Variants in LRP12 observed in about 807,000 individuals in gnomAD.
LRP12 encodes low-density lipoprotein receptor-related protein 12.
A neutral mutation model predicts 66.0 loss-of-function variants in LRP12; 14 were observed. The ratio of observed to expected loss-of-function variants is 0.21; its 90% CI spans 0.14 to 0.33. LRP12 has a LOEUF of 0.33. Ranked by LOEUF, LRP12 falls within the 10% of genes least tolerant of loss-of-function variation. LRP12 has a pLI of 1.00. For missense variants in LRP12, 889 were observed against 1,053.4 expected, an observed-to-expected ratio of 0.84 and a Z score of 2.16; for synonymous variants, 357 against 359.1, an observed-to-expected ratio of 0.99 and a Z score of 0.07.
intron 1 of LRP12, among the ~76,000 whole-genome samples, chr8:104,575,585 C>T (rs908696852): frequency 2.6e-5 from 4 of 151,868 alleles, no homozygotes; most frequent in Middle Eastern, 3.2e-3. Flanking sequence ...CACAAACACT[C>T]GAAGTTATCA....
intron 1 of LRP12, among the ~76,000 whole-genome samples, chr8:104,534,078 A>C (rs1483960341): frequency 2.6e-5 from 4 of 151,694 alleles, no homozygotes; most frequent in Non-Finnish European, 5.9e-5. Context: ...CAAAAAAAAA[A>C]AAAAAATCTA....
In LRP12 at chr8:104,491,333, T is replaced by C; in HGVS notation, c.1920A>G (p.Arg640=). ...AAAACAAACTTCTGTGAGTATGATT[T>C]CTCTCAGGTTCTCTACTGGTACTCT... ...PSQSTSREPE[R]NHTHRSLFSV... The change falls in exon 7 of 7, where the codon AGA becomes AGG. Residue 640 remains arginine, a synonymous_variant. Transcript: ENST00000276654. The C allele has an allele frequency of 1.2e-6, 2 of 1,614,136 alleles. No homozygotes were observed. The highest frequency in any genetic ancestry group is 1.7e-6 in the Non-Finnish European group (2 of 1,180,008).
At position 104,522,680 on chromosome 8, in the gene LRP12, T is replaced by G. The variant is rs969287638; in HGVS notation, c.136+9227A>C. 1.3e-4 allele frequency among the ~76,000 whole-genome samples: 20 copies of G among 152,256 alleles called. No individual in the cohort carries two copies. In the South Asian group the frequency reaches 1.7e-3, roughly 13 times the overall value. ...AATCTTCCTATGTAAAAAAAGCTTC[T>G]GCCTGAGAAAGCAGCAAGCCTTAAC... is the stretch of plus-strand genomic sequence containing the variant. On this transcript the variant is annotated intron_variant, in intron 2 of 6. Coordinates refer to ENST00000276654, the MANE Select transcript of LRP12 (RefSeq NM_013437.5).
At chr8:104,571,794 C>A (rs1310260893) in intron 1 of LRP12, among the ~76,000 whole-genome samples, 2 of 152,184 alleles carry the variant, frequency 1.3e-5, no homozygotes, top group Non-Finnish European at 2.9e-5. Context: ...GTTGGGAGCT[C>A]CTTATGAGAA....
In LRP12 at chr8:104,499,379, C is replaced by G; in HGVS notation, c.413G>C (p.Trp138Ser). 2 of 1,613,758 alleles carry G rather than the reference C, an allele frequency of 1.2e-6. No individual in the cohort carries two copies. Among genetic ancestry groups the G allele is most frequent in the African/African-American group, 2.7e-5 (2 of 74,992 alleles). The change falls in exon 4 of 7, where the codon TGG becomes TCG. Residue 138 changes from tryptophan to serine, a missense_variant. This residue lies in a region of LRP12 where 800 missense variants were observed against 964.5 expected (regional missense o/e 0.83). Transcript: ENST00000276654. ...PPYISSQDHIWIRFHSDDNIS... is the reference protein window; with the variant it reads ...PPYISSQDHISIRFHSDDNIS... ...GTTGTCATCCGAATGAAACCTAATC[C>G]AGATGTGGTCTTGTGAAGAGATATA...
intron 6 of LRP12, among the ~76,000 whole-genome samples, chr8:104,493,867 C>T (rs766814234): frequency 6.6e-6 from 1 of 152,150 alleles, no homozygotes; most frequent in Non-Finnish European, 1.5e-5. Flanking sequence ...TGTTTGGTAC[C>T]CTTCTGAACT....
At position 104,589,240 on chromosome 8, in the gene LRP12, C is replaced by T. The variant is rs905986847; in HGVS notation, c.-343G>A. ...GCCTCGCGCCGCTCGGGCTAGCCGG[C>T]GCCGCCACTCGCCAGACTGAGCGCG... On this transcript the variant is annotated 5_prime_UTR_variant, in exon 1 of 7. Transcript: ENST00000276654. 1.3e-5 allele frequency among the ~76,000 whole-genome samples: 2 copies of T among 151,834 alleles called. No homozygotes were observed. Among genetic ancestry groups the T allele is most frequent in the African/African-American group, 4.8e-5 (2 of 41,410 alleles).
intron 6 of LRP12, among the ~76,000 whole-genome samples, chr8:104,491,967 C>T (rs1428365949): frequency 6.6e-6 from 1 of 151,034 alleles, no homozygotes; most frequent in African/African-American, 2.4e-5. Flanking sequence ...AAAACGAGGA[C>T]TTTTATCTTT....
At chr8:104,560,312 C>T (rs182875298) in intron 1 of LRP12, among the ~76,000 whole-genome samples, 85 of 152,094 alleles carry the variant, frequency 5.6e-4, no homozygotes, top group African/African-American at 1.8e-3. Flanking sequence ...CTTCTACCAC[C>T]AAGACCAGAA....
intron 1 of LRP12, among the ~76,000 whole-genome samples, chr8:104,586,434 T>C (rs1453160506): frequency 2.0e-5 from 3 of 152,246 alleles, no homozygotes; most frequent in Non-Finnish European, 1.5e-5. Flanking sequence ...CTTTTCTTTG[T>C]TAACAGTGAT....
intron 1 of LRP12, among the ~76,000 whole-genome samples, chr8:104,538,724 G>C (rs28491098): frequency 0.013 from 1,978 of 152,232 alleles, 47 homozygotes; most frequent in African/African-American, 0.044. Context: ...CTGACTAACA[G>C]AACTTCCCAC....
chr8:104,587,987 T>G (rs1178609457), intron 1 of LRP12, among the ~76,000 whole-genome samples: 1 of 152,192 alleles, frequency 6.6e-6, no homozygotes, highest in Admixed American at 6.5e-5. Context: ...TGCAATTAAT[T>G]CCATTCAGCT....
At chr8:104,551,712 A>G (rs1244821084) in intron 1 of LRP12, among the ~76,000 whole-genome samples, 1 of 152,210 alleles carries the variant, frequency 6.6e-6, no homozygotes, top group Non-Finnish European at 1.5e-5. Context: ...GCTGTGTAGT[A>G]TTCCATATAC....
chr8:104,544,058 AG>A (rs755801193), intron 1 of LRP12, among the ~76,000 whole-genome samples: 41 of 152,226 alleles, frequency 2.7e-4, no homozygotes, highest in Non-Finnish European at 5.9e-4. Flanking sequence ...AGAAATTAAA[AG>A]TGCAACTCCA....
chr8:104,518,701 C>T (rs1198279230), intron 2 of LRP12, among the ~76,000 whole-genome samples: 1 of 152,034 alleles, frequency 6.6e-6, no homozygotes, highest in Non-Finnish European at 1.5e-5. Context: ...AACTGACCAG[C>T]TTCTTAGTAT....
At chr8:104,577,810 CAAAAAAA>C (rs34298645) in intron 1 of LRP12, among the ~76,000 whole-genome samples, 10 of 111,130 alleles carry the variant, frequency 9.0e-5, no homozygotes, top group African/African-American at 3.5e-4. Flanking sequence ...GACTCCATCT[CAAAAAAA>C]AAAAAAAAAA....
At chr8:104,519,222 G>C (rs1811114249) in intron 2 of LRP12, among the ~76,000 whole-genome samples, 1 of 152,002 alleles carries the variant, frequency 6.6e-6, no homozygotes. Context: ...CTTGGCACCT[G>C]AGCCAAGCTG....
chr8:104,543,465 T>C (rs1427609102), intron 1 of LRP12, among the ~76,000 whole-genome samples: 1 of 152,156 alleles, frequency 6.6e-6, no homozygotes, highest in Non-Finnish European at 1.5e-5. Flanking sequence ...ACGAATACTG[T>C]GTGTGTTCTG....
chr8:104,539,805 G>C (rs956198722), intron 1 of LRP12, among the ~76,000 whole-genome samples: 5 of 151,942 alleles, frequency 3.3e-5, no homozygotes, highest in Non-Finnish European at 4.4e-5. Context: ...AGGGAGGAGG[G>C]CTCAAAACCC....
Sources: gnomAD v4.1 joint callset for allele counts (sites outside exome capture counted in the v4.1 genomes callset) on GRCh38, gnomAD v4.1.1 for gene constraint, gnomAD v4.1.1 regional missense constraint, MANE v1.5 for transcripts, NCBI Gene and HGNC (gene_info 2026-07-23, HGNC 2026-07-21) for gene names.